The following ZBTB7A variants were observed in gnomAD, a reference collection of about 807,000 sequenced individuals.
ZBTB7A encodes zinc finger and BTB domain-containing protein 7A.
In ZBTB7A, 7 loss-of-function variants were observed where a neutral mutation model predicts 26.7. The ratio of observed to expected loss-of-function variants is 0.26; its 90% CI spans 0.15 to 0.49. The LOEUF (loss-of-function observed/expected upper bound fraction) is 0.49, where lower values mean the gene tolerates loss of function less well. Among genes scored for constraint, ZBTB7A ranks in the 20% least tolerant of loss-of-function variants. The pLI is 0.98. For synonymous variants in ZBTB7A, 452 were observed against 441.0 expected (o/e 1.02, Z -0.31); for missense variants, 617 against 919.5 (o/e 0.67, Z 4.25).
intron 1 of ZBTB7A, among the ~76,000 whole-genome samples, chr19:4,055,696 G>T (rs2144996182): frequency 6.6e-6 from 1 of 152,228 alleles, no homozygotes; most frequent in African/African-American, 2.4e-5. Context: ...GTTGGCGGGG[G>T]CCTGTAGTTC....
chr19:4,060,757 G>C (rs2040630239), intron 1 of ZBTB7A, among the ~76,000 whole-genome samples: 1 of 152,202 alleles, frequency 6.6e-6, no homozygotes, highest in South Asian at 2.1e-4. Flanking sequence ...GGAGCCAGGG[G>C]CCTCCCCAAG....
At chr19:4,056,200 G>T (rs1438861142) in intron 1 of ZBTB7A, among the ~76,000 whole-genome samples, 3 of 151,786 alleles carry the variant, frequency 2.0e-5, no homozygotes, top group African/African-American at 7.3e-5. Flanking sequence ...TGTACACAAG[G>T]GCGGCCAGCT....
chr19:4,060,947 G>A (rs1303668223), intron 1 of ZBTB7A, among the ~76,000 whole-genome samples: 2 of 152,166 alleles, frequency 1.3e-5, no homozygotes, highest in Non-Finnish European at 2.9e-5. Flanking sequence ...GTGCAGAGCA[G>A]CTCGGGTTCA....
At chr19:4,066,283 G>T (rs1334081006) in intron 1 of ZBTB7A, among the ~76,000 whole-genome samples, 3 of 147,108 alleles carry the variant, frequency 2.0e-5, no homozygotes, top group African/African-American at 5.0e-5. Flanking sequence ...GGGCGAGAGC[G>T]CCCCTCGTCT....
At position 4,044,491 on chromosome 19, in the gene ZBTB7A, C is replaced by A. The variant is rs1299579732; in HGVS notation, c.*3261G>T. ...GCTTCTCTCTCTCTCCTGGGCCCGGCAGGCTGGGGGGCACTGCAGACGGGG... is the reference window on the plus strand; with the variant it reads ...GCTTCTCTCTCTCTCCTGGGCCCGGAAGGCTGGGGGGCACTGCAGACGGGG... On this transcript the variant is annotated 3_prime_UTR_variant, in exon 3 of 3. Coordinates refer to ENST00000322357, the MANE Select transcript of ZBTB7A (RefSeq NM_015898.4). 1 of 150,880 alleles carries A rather than the reference C, an allele frequency of 6.6e-6. No homozygotes were observed. Among genetic ancestry groups the A allele is most frequent in the African/African-American group, 2.4e-5 (1 of 41,120 alleles). 9.3% of individuals were successfully genotyped at this position (150,880 alleles called of 1,614,324 possible).
intron 1 of ZBTB7A, among the ~76,000 whole-genome samples, chr19:4,064,766 G>A (rs2145011656): frequency 6.6e-6 from 1 of 152,292 alleles, no homozygotes; most frequent in South Asian, 2.1e-4. Context: ...CGGGTGGCAG[G>A]GGCACCAGCA....
chr19:4,057,185 C>G (rs1318909597), intron 1 of ZBTB7A, among the ~76,000 whole-genome samples: 2 of 150,508 alleles, frequency 1.3e-5, no homozygotes, highest in African/African-American at 2.4e-5. Context: ...CTCGTCTCTA[C>G]TAAAAATACA....
rs759279529 is a variant in ZBTB7A at position 4,054,369 on chromosome 19, G to A, written c.864C>T (p.Pro288=). Residue 288 remains proline, a synonymous_variant, in exon 2 of 3, where the codon CCC becomes CCT. Transcript: ENST00000322357. The part of the protein sequence containing the change: ...EEAASLSEAA[P]EPGDSPGFLS... ...GGAAGCCCGGAGAGTCGCCCGGCTCGGGGGCCGCCTCCGACAGCGAGGCGG... is the reference window on the plus strand; with the variant it reads ...GGAAGCCCGGAGAGTCGCCCGGCTCAGGGGCCGCCTCCGACAGCGAGGCGG... 1.4e-5 allele frequency: 20 copies of A among 1,451,864 alleles called. No individual in the cohort carries two copies. The highest frequency in any genetic ancestry group is 1.6e-5 in the Non-Finnish European group (18 of 1,113,238). 89.9% of individuals were successfully genotyped at this position (1,451,864 alleles called of 1,614,324 possible).
At chr19:4,049,173 T>TAC (rs2040468227) in intron 2 of ZBTB7A, among the ~76,000 whole-genome samples, 1 of 9,240 alleles carries the variant, frequency 1.1e-4, no homozygotes, top group African/African-American at 4.0e-4. Flanking sequence ...TGTGTGTATA[T>TAC]ATATATATAT....
In ZBTB7A at chr19:4,047,781, C is replaced by A. The variant is rs747390241; in HGVS notation, c.1726G>T (p.Asp576Tyr). The stretch of plus-strand genomic sequence containing the variant: ...GCGAGTCCGGCTGTGAAGTTACCGT[C>A]GGTGGCGGCCCCGGGGCCACCTCCG... ...DSGGGPGAAT[D>Y]GNFTAGLA is the part of the protein sequence containing the mutation. Residue 576 changes from aspartate to tyrosine, a missense_variant, in exon 3 of 3, where the codon GAC becomes TAC. Transcript: ENST00000322357. The A allele has an allele frequency of 1.1e-5, 17 of 1,599,820 alleles. No homozygotes were observed. The highest frequency in any genetic ancestry group is 2.3e-5 in the East Asian group (1 of 43,350).
intron 1 of ZBTB7A, among the ~76,000 whole-genome samples, chr19:4,064,474 C>T (rs1288671370): frequency 1.3e-5 from 2 of 152,264 alleles, no homozygotes; most frequent in East Asian, 1.9e-4. Flanking sequence ...GCCCTGGCAG[C>T]AGCAGGGCTG....
At position 4,054,165 on chromosome 19, in the gene ZBTB7A, G is replaced by T. The variant is rs1299443781; in HGVS notation, c.1068C>A (p.Phe356Leu). Residue 356 changes from phenylalanine (F) to leucine (L), a missense_variant, in exon 2 of 3, where the codon TTC becomes TTA. Phe to Leu is a conservative substitution (Grantham distance 22). Transcript: ENST00000322357. ...AGACGTCGCCGTCGTGGGCGCCGCT[G>T]AAGTACTTCAGGTAGTAGTCCATGA... ...KGVMDYYLKY[F>L]SGAHDGDVYP... The T allele has an allele frequency of 1.2e-6, 2 of 1,601,540 alleles. No individual in the cohort carries two copies. The highest frequency in any genetic ancestry group is 1.1e-5 in the South Asian group (1 of 91,028).
chr19:4,049,144 C>CTA (rs1269544813), intron 2 of ZBTB7A, among the ~76,000 whole-genome samples: 2 of 69,156 alleles, frequency 2.9e-5, no homozygotes, highest in Non-Finnish European at 2.9e-5. Flanking sequence ...AGCTATTAAA[C>CTA]TATATGTGTG....
intron 1 of ZBTB7A, among the ~76,000 whole-genome samples, chr19:4,065,224 C>A (rs1361522285): frequency 6.6e-6 from 1 of 151,352 alleles, no homozygotes; most frequent in African/African-American, 2.4e-5. Context: ...ACGGCGGGGA[C>A]TGGGGTGCTC....
At chr19:4,058,593 G>A (rs964099923) in intron 1 of ZBTB7A, among the ~76,000 whole-genome samples, 1 of 152,156 alleles carries the variant, frequency 6.6e-6, no homozygotes, top group African/African-American at 2.4e-5. Context: ...AGGCCGGCCG[G>A]TGGCTCTCGG....
In ZBTB7A at chr19:4,045,700, G is replaced by A; in HGVS notation, c.*2052C>T. On this transcript the variant is annotated 3_prime_UTR_variant, in exon 3 of 3. Coordinates refer to ENST00000322357, the MANE Select transcript of ZBTB7A (RefSeq NM_015898.4). This position sits in a 1 kb window ranked among gnomAD's most constrained non-coding sequence, Gnocchi z 4.1. ...CAGTGCAGCAGAGCGTCTATTTTCGGGGTCCCATGCTAGCATTGCATATGC... is the reference window on the plus strand; with the variant it reads ...CAGTGCAGCAGAGCGTCTATTTTCGAGGTCCCATGCTAGCATTGCATATGC... 2.5e-6 allele frequency: 1 copy of A among 392,542 alleles called. No homozygotes were observed. The allele number at this position is 392,542 out of a possible 1,614,324, so 24.3% of individuals were successfully genotyped here.
chr19:4,043,948 CT>C lies in ZBTB7A; in HGVS notation c.*3803del, dbSNP rs1217073437. On this transcript the variant is annotated 3_prime_UTR_variant, in exon 3 of 3. Coordinates refer to ENST00000322357, the MANE Select transcript of ZBTB7A (RefSeq NM_015898.4). ...TCTTTCTCAAAAAATAGGATTTTTG[CT>C]TTTTTTGTTGGTTTTTAATATTTTT... Among the ~76,000 whole-genome samples, 1 of 148,060 alleles carries C rather than the reference CT, an allele frequency of 6.8e-6. No homozygotes were observed. The highest frequency in any genetic ancestry group is 2.5e-5 in the African/African-American group (1 of 39,630).
intron 1 of ZBTB7A, among the ~76,000 whole-genome samples, chr19:4,060,418 G>A (rs566898274): frequency 1.8e-4 from 28 of 152,306 alleles, no homozygotes; most frequent in African/African-American, 2.4e-4. Context: ...GCCGCATTTC[G>A]GCCCCCTCTG....
At chr19:4,057,385 C>T (rs1353927642) in intron 1 of ZBTB7A, among the ~76,000 whole-genome samples, 1 of 152,178 alleles carries the variant, frequency 6.6e-6, no homozygotes, top group Non-Finnish European at 1.5e-5. Context: ...TGAGGCGCTA[C>T]AGGAGGACGC....
Sources: gnomAD v4.1 joint callset for allele counts (sites outside exome capture counted in the v4.1 genomes callset) on GRCh38, gnomAD v4.1.1 for gene constraint, Gnocchi (gnomAD v3.1) non-coding constraint, MANE v1.5 for transcripts, NCBI Gene and HGNC (gene_info 2026-07-23, HGNC 2026-07-21) for gene names.